Variants in AZIN2 observed in about 807,000 individuals in gnomAD.
AZIN2 encodes the protein antizyme inhibitor 2, also known as ODC antizyme inhibitor-2.
In AZIN2, 28 loss-of-function variants were observed where a neutral mutation model predicts 47.8. The observed-to-expected ratio is 0.59, with a 90% CI of 0.43 to 0.80. The LOEUF (loss-of-function observed/expected upper bound fraction) is 0.80. Ranked by LOEUF, AZIN2 falls within the 30% of genes least tolerant of loss-of-function variation. AZIN2 has a pLI of 0.00. For missense variants in AZIN2, 535 were observed against 582.5 expected (o/e 0.92, Z 0.84); for synonymous variants, 221 against 239.4 (o/e 0.92, Z 0.71).
the AZIN2 span, chr1:33,165,691 C>T: frequency 1.9e-5 from 14 of 722,060 alleles, no homozygotes; most frequent in Non-Finnish European, 2.3e-5. The surrounding 1 kb of genome is among the most constrained non-coding windows in gnomAD (Gnocchi z 4.0). Flanking sequence ...ACTTGCCTCC[C>T]GTCACAGTTC....
downstream of AZIN2, among the ~76,000 whole-genome samples, chr1:33,127,877 A>G (rs7549943): frequency 0.013 from 1,978 of 152,158 alleles, 44 homozygotes; most frequent in African/African-American, 0.045. Context: ...GCATTATTCA[A>G]TTAATCGACA....
At position 33,122,952 on chromosome 1, in the gene AZIN2, T is replaced by C. The variant is rs1195750202; in HGVS notation, c.*2770T>C. 6.6e-6 allele frequency among the ~76,000 whole-genome samples: 1 copy of C among 152,178 alleles called. No homozygotes were observed. Among genetic ancestry groups the C allele is most frequent in the Non-Finnish European group, 1.5e-5 (1 of 68,024 alleles). Reference sequence around the variant, plus strand: ...AGATGCCGTACCTCCTGGGATTCCGTTTCACCAAGAATGAAATTTAAAGTC... The same window carrying C: ...AGATGCCGTACCTCCTGGGATTCCGCTTCACCAAGAATGAAATTTAAAGTC... On this transcript the variant is annotated 3_prime_UTR_variant, in exon 12 of 12. Transcript: ENST00000294517.
chr1:33,089,234 T>C (rs1642261534), intron 5 of AZIN2, among the ~76,000 whole-genome samples: 1 of 152,204 alleles, frequency 6.6e-6, no homozygotes, highest in Non-Finnish European at 1.5e-5. Flanking sequence ...TAAATGAGAA[T>C]GTATATAAAA....
intron 5 of AZIN2, among the ~76,000 whole-genome samples, chr1:33,090,643 G>A (rs543027852): frequency 2.0e-5 from 3 of 152,262 alleles, no homozygotes; most frequent in South Asian, 4.1e-4. Context: ...ATATGTATAC[G>A]TTGTGGAATG....
At chr1:33,085,554 G>C (rs758463056) in intron 5 of AZIN2, among the ~76,000 whole-genome samples, 1 of 152,120 alleles carries the variant, frequency 6.6e-6, no homozygotes, top group African/African-American at 2.4e-5. Flanking sequence ...TAATGGTTGC[G>C]TAATATGGCT....
At chr1:33,087,363 C>T (rs1486691907) in intron 5 of AZIN2, among the ~76,000 whole-genome samples, 3 of 151,882 alleles carry the variant, frequency 2.0e-5, no homozygotes, top group Non-Finnish European at 2.9e-5. Context: ...GAACTCCCGA[C>T]CTCAGGTGAT....
the AZIN2 span, among the ~76,000 whole-genome samples, chr1:33,160,825 T>C: frequency 6.6e-6 from 1 of 152,188 alleles, no homozygotes; most frequent in Non-Finnish European, 1.5e-5. Flanking sequence ...ACCTTGGTGG[T>C]TACTCGCTGT....
In AZIN2 at chr1:33,120,151, G is replaced by A. The variant is rs1238690896; in HGVS notation, c.1352G>A (p.Gly451Asp). ...GAGATCACAGACACCCTGTGCGTGG[G>A]CCCTGTCTTCACCCCAGCGAGCATC... ...GWEITDTLCVGPVFTPASIM is the reference protein window; with the variant it reads ...GWEITDTLCVDPVFTPASIM The change falls in exon 12 of 12, where the codon GGC (glycine) becomes GAC (aspartate). Residue 451 changes from glycine (G) to aspartate (D), a missense_variant. By Grantham distance (94) the Gly-to-Asp change is moderately conservative. Around this residue, in one of 3 missense-constraint regions of AZIN2, gnomAD observed 122 missense variants for 135.8 expected, o/e 0.90. Transcript: ENST00000294517. 1 of 1,613,094 alleles carries A rather than the reference G, an allele frequency of 6.2e-7. No individual in the cohort carries two copies.
At chr1:33,132,616 G>A in the AZIN2 span, among the ~76,000 whole-genome samples, 1 of 152,162 alleles carries the variant, frequency 6.6e-6, no homozygotes, top group Admixed American at 6.5e-5. Flanking sequence ...CCTTCTCTAT[G>A]CTCCCACAGA....
At chr1:33,117,763 G>A in intron 10 of AZIN2, 139 bp from the exon 11 acceptor site, 3 of 915,420 alleles carry the variant, frequency 3.3e-6, no homozygotes, top group Non-Finnish European at 5.4e-6. Context: ...AAGTGGGAAG[G>A]GCCTTAAATG....
chr1:33,094,774 A>AGATGATCGGAGGGAGAC (rs1642962075), intron 8 of AZIN2, 61 bp downstream of exon 8: 2 of 1,582,928 alleles, frequency 1.3e-6, no homozygotes, highest in African/African-American at 2.7e-5. Context: ...GGGAGGGATT[A>AGATGATCGGAGGGAGAC]GATGATCGGA....
the AZIN2 span, chr1:33,147,371 T>C: frequency 1.2e-6 from 2 of 1,614,142 alleles, no homozygotes. The surrounding 1 kb of genome is among the most constrained non-coding windows in gnomAD (Gnocchi z 8.1). Context: ...TTGTCAAGCT[T>C]GTCCCGGACG....
the AZIN2 span, among the ~76,000 whole-genome samples, chr1:33,130,988 G>A: frequency 0.011 from 1,720 of 152,228 alleles, 30 homozygotes; most frequent in African/African-American, 0.039. Context: ...TGTGAGGGAT[G>A]GTATTTGCTA....
intron 7 of AZIN2, 85 bp downstream of exon 7, chr1:33,093,501 C>A: frequency 6.6e-7 from 1 of 1,507,854 alleles, no homozygotes. Flanking sequence ...GAGACCTTCC[C>A]CAGGGCCTCT....
chr1:33,118,242 A>C (rs1231259520), intron 11 of AZIN2, 126 bp downstream of exon 11: 1 of 1,072,936 alleles, frequency 9.3e-7, no homozygotes, highest in Non-Finnish European at 1.3e-6. Context: ...TGCTGGTCCC[A>C]CGTGAGGGAT....
chr1:33,129,666 C>T, the AZIN2 span, among the ~76,000 whole-genome samples: 3 of 152,136 alleles, frequency 2.0e-5, no homozygotes, highest in East Asian at 1.9e-4. The surrounding 1 kb of genome is among the most constrained non-coding windows in gnomAD (Gnocchi z 4.1). Flanking sequence ...CTTCCCTTCT[C>T]GAAGAGAAAA....
chr1:33,120,063 C>A lies in AZIN2; in HGVS notation c.1264C>A (p.Leu422Met). Residue 422 changes from leucine to methionine, a missense_variant, in exon 12 of 12, where the codon CTG (leucine) becomes ATG (methionine). By Grantham distance (15) the Leu-to-Met change is conservative. Coordinates refer to ENST00000294517, the MANE Select transcript of AZIN2 (RefSeq NM_052998.4). Reference protein sequence around the residue: ...RVAWEALRRQLMAAEQEDDVE... With the variant: ...RVAWEALRRQMMAAEQEDDVE... ...CCCTAGGGAAGCGCTGCGAAGGCAG[C>A]TGATGGCTGCAGAACAGGAGGATGA... 6.2e-7 allele frequency: 1 copy of A among 1,614,012 alleles called. No homozygotes were observed. The highest frequency in any genetic ancestry group is 8.5e-7 in the Non-Finnish European group (1 of 1,179,968).
chr1:33,093,731 C>CTT (rs776963959), intron 7 of AZIN2, among the ~76,000 whole-genome samples: 3,564 of 134,636 alleles, frequency 0.026, 83 homozygotes, highest in African/African-American at 0.048. Flanking sequence ...TTCTTTCTTT[C>CTT]TTTTTTTTTT....
At chr1:33,161,754 A>G in the AZIN2 span, among the ~76,000 whole-genome samples, 2 of 151,820 alleles carry the variant, frequency 1.3e-5, no homozygotes, top group African/African-American at 4.8e-5. This position sits in a 1 kb window ranked among gnomAD's most constrained non-coding sequence, Gnocchi z 4.3. Flanking sequence ...AGGCGCCCAG[A>G]CTCCGCAGCT....
Sources: gnomAD v4.1 joint callset for allele counts (sites outside exome capture counted in the v4.1 genomes callset) on GRCh38, gnomAD v4.1.1 for gene constraint, gnomAD v4.1.1 regional missense constraint, Gnocchi (gnomAD v3.1) non-coding constraint, MANE v1.5 for transcripts, NCBI Gene and HGNC (gene_info 2026-07-23, HGNC 2026-07-21) for gene names.